Variants in NCKAP5 observed in about 807,000 individuals in gnomAD.
NCKAP5 encodes NCK associated protein 5.
NCKAP5 carries 92 observed loss-of-function variants against 167.0 expected under a neutral mutation model. The ratio of observed to expected loss-of-function variants is 0.55; its 90% CI spans 0.47 to 0.66. The LOEUF is 0.66. Among genes scored for constraint, NCKAP5 ranks in the 30% least tolerant of loss-of-function variants. NCKAP5 has a pLI of 0.00. For missense variants in NCKAP5, 2,378 were observed against 2,315.0 expected (o/e 1.03, Z -0.56); for synonymous variants, 891 against 877.4 (o/e 1.02, Z -0.27).
At chr2:133,127,893 A>G (rs540800683) in intron 6 of NCKAP5, among the ~76,000 whole-genome samples, 1 of 152,294 alleles carries the variant, frequency 6.6e-6, no homozygotes, top group African/African-American at 2.4e-5. Flanking sequence ...TGCATTTATT[A>G]AAGTATTGAT....
intron 6 of NCKAP5, among the ~76,000 whole-genome samples, chr2:133,061,090 CA>C (rs36047251): frequency 4.4e-5 from 6 of 137,196 alleles, no homozygotes; most frequent in African/African-American, 1.5e-4. Context: ...ACAACAACAA[CA>C]AAAAAACCTA....
intron 8 of NCKAP5, among the ~76,000 whole-genome samples, chr2:132,940,264 C>T (rs1290872078): frequency 6.6e-6 from 1 of 151,976 alleles, no homozygotes; most frequent in Non-Finnish European, 1.5e-5. Flanking sequence ...ACTAATGTAC[C>T]AGGCATAATC....
At chr2:133,395,800 C>A (rs918406857) in intron 3 of NCKAP5, among the ~76,000 whole-genome samples, 4 of 152,024 alleles carry the variant, frequency 2.6e-5, no homozygotes, top group African/African-American at 7.2e-5. Flanking sequence ...TGTCCCACCA[C>A]ACTCGGCTAT....
chr2:133,629,306 T>A, the NCKAP5 span, among the ~76,000 whole-genome samples: 50 of 151,786 alleles, frequency 3.3e-4, no homozygotes, highest in Admixed American at 1.2e-3. Flanking sequence ...AACAGCCCAT[T>A]AAAAAGTGTG....
chr2:132,684,356 G>A (rs1306488142), intron 19 of NCKAP5, among the ~76,000 whole-genome samples: 1 of 152,156 alleles, frequency 6.6e-6, no homozygotes, highest in Non-Finnish European at 1.5e-5. Context: ...GTTTGCTTTT[G>A]ATTTTCTTAA....
chr2:133,581,804 G>A, the NCKAP5 span, among the ~76,000 whole-genome samples: 456 of 152,298 alleles, frequency 3.0e-3, 1 homozygote, highest in Non-Finnish European at 4.0e-3. Flanking sequence ...TTCACTTTTC[G>A]TTGTAAGTAT....
chr2:132,997,105 C>T (rs1310791311), intron 6 of NCKAP5, among the ~76,000 whole-genome samples: 1 of 152,194 alleles, frequency 6.6e-6, no homozygotes, highest in Non-Finnish European at 1.5e-5. Context: ...AGTGAATCCG[C>T]TGATGTAGGA....
intron 5 of NCKAP5, among the ~76,000 whole-genome samples, chr2:133,134,465 T>C (rs2082716002): frequency 6.6e-6 from 1 of 152,180 alleles, no homozygotes; most frequent in Admixed American, 6.5e-5. Flanking sequence ...ACTGTGTGGT[T>C]TTACAGAGTG....
chr2:132,833,548 C>T (rs372602162), intron 11 of NCKAP5, among the ~76,000 whole-genome samples: 15 of 151,960 alleles, frequency 9.9e-5, no homozygotes, highest in Admixed American at 6.6e-4. Context: ...ACATGGTGAG[C>T]GATGTGGCTT....
chr2:133,382,426 T>C (rs937611934), intron 3 of NCKAP5, among the ~76,000 whole-genome samples: 6 of 152,166 alleles, frequency 3.9e-5, no homozygotes, highest in Non-Finnish European at 8.8e-5. Context: ...AACCATTCAA[T>C]ACCTTCTCAT....
intron 19 of NCKAP5, among the ~76,000 whole-genome samples, chr2:132,701,550 A>G (rs1687888252): frequency 6.8e-6 from 1 of 146,838 alleles, no homozygotes; most frequent in South Asian, 2.1e-4. Flanking sequence ...TGCTGCTGCT[A>G]TGTCCCTTTT....
chr2:133,608,270 T>C, the NCKAP5 span, among the ~76,000 whole-genome samples: 148 of 152,338 alleles, frequency 9.7e-4, no homozygotes, highest in African/African-American at 3.0e-3. Context: ...TCTAGAGATA[T>C]GTTTCACACT....
chr2:133,309,566 G>A (rs1197321189), intron 3 of NCKAP5, among the ~76,000 whole-genome samples: 1 of 152,136 alleles, frequency 6.6e-6, no homozygotes, highest in East Asian at 1.9e-4. Flanking sequence ...CTGTTCCCTG[G>A]CTAAAACTTA....
chr2:133,180,169 A>C (rs2084666949), intron 5 of NCKAP5, among the ~76,000 whole-genome samples: 1 of 152,040 alleles, frequency 6.6e-6, no homozygotes, highest in Non-Finnish European at 1.5e-5. Context: ...CCATTTTTCA[A>C]ATGCTGAAAA....
chr2:132,691,793 G>A (rs1321401785), intron 19 of NCKAP5, among the ~76,000 whole-genome samples: 1 of 151,916 alleles, frequency 6.6e-6, no homozygotes, highest in Non-Finnish European at 1.5e-5. Context: ...TCCAACCACA[G>A]ACATTCCCAC....
chr2:132,887,980 G>A (rs921678848), intron 8 of NCKAP5, among the ~76,000 whole-genome samples: 1 of 152,074 alleles, frequency 6.6e-6, no homozygotes, highest in Non-Finnish European at 1.5e-5. Flanking sequence ...TCACAAGTAG[G>A]GGCCACACAT....
intron 5 of NCKAP5, among the ~76,000 whole-genome samples, chr2:133,158,465 T>C (rs760370755): frequency 5.9e-5 from 9 of 152,230 alleles, no homozygotes; most frequent in Non-Finnish European, 1.0e-4. Flanking sequence ...TTAAAATCCA[T>C]TGTGCTGCAT....
the NCKAP5 span, among the ~76,000 whole-genome samples, chr2:133,593,275 T>A: frequency 6.6e-6 from 1 of 151,962 alleles, no homozygotes; most frequent in Non-Finnish European, 1.5e-5. Context: ...TACACACACA[T>A]AGATATGTCA....
At chr2:133,308,990 G>A (rs1233918636) in intron 3 of NCKAP5, among the ~76,000 whole-genome samples, 4 of 151,900 alleles carry the variant, frequency 2.6e-5, no homozygotes, top group South Asian at 2.1e-4. Flanking sequence ...GATTACAGGC[G>A]TGAGCCACCG....
Sources: allele counts gnomAD v4.1 joint callset (sites outside exome capture counted in the v4.1 genomes callset), GRCh38; gene constraint gnomAD v4.1.1; transcripts MANE v1.5; gene names NCBI Gene and HGNC (gene_info 2026-07-23, HGNC 2026-07-21).